SNED1: variants seen among roughly 807,000 people sequenced by gnomAD.
The protein encoded by SNED1 is sushi, nidogen and EGF-like domain-containing protein 1.
Under a neutral mutation model 166.7 loss-of-function variants are expected in SNED1, and 81 were observed. The observed-to-expected ratio is 0.49, with a 90% CI of 0.41 to 0.58. The LOEUF is 0.58. Among genes scored for constraint, SNED1 ranks in the 20% least tolerant of loss-of-function variants. SNED1 has a pLI of 0.00. For synonymous variants in SNED1, 762 were observed against 822.0 expected, an observed-to-expected ratio of 0.93 and a Z score of 1.25; for missense variants, 1,604 against 2,000.2, an observed-to-expected ratio of 0.80 and a Z score of 3.78.
chr2:241,008,059 C>T (rs2060275185), intron 1 of SNED1, among the ~76,000 whole-genome samples: 1 of 152,266 alleles, frequency 6.6e-6, no homozygotes, highest in Non-Finnish European at 1.5e-5. Flanking sequence ...GGCGGCCGTA[C>T]CACCTGACTC....
At position 241,018,239 on chromosome 2, in the gene SNED1, C is replaced by G. The variant is rs1559225158; in HGVS notation, c.214-12045C>G. Among the ~76,000 whole-genome samples, 1 of 152,236 alleles carries G rather than the reference C, an allele frequency of 6.6e-6. No individual in the cohort carries two copies. The highest frequency in any genetic ancestry group is 1.5e-5 in the Non-Finnish European group (1 of 68,054). On this transcript the variant is annotated intron_variant, in intron 1 of 31. Transcript: ENST00000310397. This position sits in a 1 kb window ranked among gnomAD's most constrained non-coding sequence, Gnocchi z 5.4. ...ATACACGACGTAACCCACAGGCGCT[C>G]AGATGACGGGGAAGCTATGAATTCA...
chr2:241,085,014 G>GT (rs147390163), intron 29 of SNED1, among the ~76,000 whole-genome samples: 3,760 of 152,152 alleles, frequency 0.025, 151 homozygotes, highest in African/African-American at 0.084. Context: ...GTGTTACACT[G>GT]TATGGAATGT....
At chr2:241,058,963 T>C (rs1399022499) in intron 16 of SNED1, among the ~76,000 whole-genome samples, 3 of 150,020 alleles carry the variant, frequency 2.0e-5, no homozygotes, top group Admixed American at 6.6e-5. Flanking sequence ...AAAAAAAAAA[T>C]CATTAACATT....
Position 241,068,050 on chromosome 2 carries a change from AC to A in SNED1, c.3194+105del, listed in dbSNP as rs5839780. ...GGCACATTCTCCGTGTGTGGACTGT[AC>A]CACCTGCCGCTCCTCACCTGAGCGG... On this transcript the variant is annotated intron_variant, in intron 22 of 31. Transcript: ENST00000310397. This position sits in a 1 kb window ranked among gnomAD's most constrained non-coding sequence, Gnocchi z 5.3. The A allele has an allele frequency of 0.28, 296,857 of 1,074,420 alleles. 45,583 individuals are homozygous for A. Among genetic ancestry groups the A allele is most frequent in the African/African-American group, 0.55 (34,967 of 63,228 alleles). The allele number at this position is 1,074,420 out of a possible 1,614,324, so 66.6% of individuals were successfully genotyped here.
intron 1 of SNED1, among the ~76,000 whole-genome samples, chr2:241,023,964 C>T (rs1331837056): frequency 2.3e-5 from 3 of 131,970 alleles, no homozygotes. Flanking sequence ...ATCTCTGCTG[C>T]AGCCTCCACC....
chr2:241,048,384 A>G lies in SNED1; in HGVS notation c.1343A>G (p.Asp448Gly). ...CHNGGTCVDA[D>G]QGYVCECPEG... ...AATGGGGGCACCTGTGTGGATGCGG[A>G]CCAGGGCTACGTGTGCGAGTGCCCC... The change falls in exon 9 of 32, where the codon GAC (aspartate) becomes GGC (glycine). Residue 448 changes from aspartate (D) to glycine (G), a missense_variant. Coordinates refer to ENST00000310397, the MANE Select transcript of SNED1 (RefSeq NM_001080437.3). 1 of 1,611,984 alleles carries G rather than the reference A, an allele frequency of 6.2e-7. No homozygotes were observed. The highest frequency in any genetic ancestry group is 1.1e-5 in the South Asian group (1 of 90,460).
intron 27 of SNED1, among the ~76,000 whole-genome samples, chr2:241,076,846 C>A (rs1465577946): frequency 1.3e-5 from 2 of 152,216 alleles, no homozygotes; most frequent in East Asian, 1.9e-4. Context: ...AATCCCAGCA[C>A]TTTGGGAGGC....
chr2:241,019,614 C>T (rs1318617897), intron 1 of SNED1, among the ~76,000 whole-genome samples: 1 of 152,192 alleles, frequency 6.6e-6, no homozygotes, highest in Non-Finnish European at 1.5e-5. Flanking sequence ...GGCACAGGGT[C>T]CCTGTCATCG....
intron 1 of SNED1, among the ~76,000 whole-genome samples, chr2:241,027,622 A>G (rs1163504770): frequency 6.6e-6 from 1 of 152,142 alleles, no homozygotes; most frequent in African/African-American, 2.4e-5. Context: ...TTTAATTTTG[A>G]GGAACCACCA....
chr2:241,009,912 C>T (rs2060337311), intron 1 of SNED1: 1 of 152,200 alleles, frequency 6.6e-6, no homozygotes, highest in Non-Finnish European at 1.5e-5. Context: ...TGGCGTGAGG[C>T]CGCTCAGCAG....
chr2:241,019,382 A>G (rs2060700661), intron 1 of SNED1, among the ~76,000 whole-genome samples: 1 of 152,182 alleles, frequency 6.6e-6, no homozygotes, highest in Non-Finnish European at 1.5e-5. Context: ...TCAGATGCAA[A>G]TCGTCCAGAA....
intron 15 of SNED1, 33 bp downstream of exon 15, chr2:241,052,501 T>C (rs2061878458): frequency 6.9e-7 from 1 of 1,456,068 alleles, no homozygotes. Context: ...GCAGGGTACA[T>C]GGGATACCAG....
At chr2:241,066,751 C>T (rs2062467925) in intron 21 of SNED1, among the ~76,000 whole-genome samples, 1 of 152,148 alleles carries the variant, frequency 6.6e-6, no homozygotes, top group Admixed American at 6.5e-5. Context: ...TGGGGAGGAG[C>T]TCGGCGGTTC....
chr2:241,073,186 A>C lies in SNED1; in HGVS notation c.3818-80A>C. ...GACATCCGTGCTCCCTGAGATATAG[A>C]AGCACTCAAAAGGGTGGCCCCAGGA... On this transcript the variant is annotated intron_variant, in intron 26 of 31. Coordinates refer to ENST00000310397, the MANE Select transcript of SNED1 (RefSeq NM_001080437.3). The surrounding 1 kb of genome is among the most constrained non-coding windows in gnomAD (Gnocchi z 6.6). 1.0e-6 allele frequency: 1 copy of C among 995,686 alleles called. No individual in the cohort carries two copies. The highest frequency in any genetic ancestry group is 1.5e-5 in the South Asian group (1 of 68,670). The allele number at this position is 995,686 out of a possible 1,614,324, so 61.7% of individuals were successfully genotyped here.
In SNED1 at chr2:241,063,884, C is replaced by CCTGCCCA. The variant is rs1278007878; in HGVS notation, c.2486-121_2486-115dup. 19 of 789,578 alleles carry CCTGCCCA rather than the reference C, an allele frequency of 2.4e-5. No homozygotes were observed. The East Asian group carries it at 4.0e-4, about 17-fold the overall frequency. 48.9% of individuals were successfully genotyped at this position (789,578 alleles called of 1,614,324 possible). A position where few individuals can be genotyped will look rare whatever the true frequency, so the allele number is the denominator to read the frequency against. ...TGCTGGGGAGGGCTGAGGGGCGGGA[C>CCTGCCCA]CTGCCCACTGCCCCTCTCTCCTGGC... is the stretch of plus-strand genomic sequence containing the variant. On this transcript the variant is annotated intron_variant, in intron 18 of 31. Transcript: ENST00000310397.
At chr2:241,038,407 C>A (rs1471835842) in intron 6 of SNED1, among the ~76,000 whole-genome samples, 3 of 152,126 alleles carry the variant, frequency 2.0e-5, no homozygotes, top group Non-Finnish European at 2.9e-5. Context: ...ACTTTTGCAC[C>A]TGAAAGTACA....
rs1382283436 is a variant in SNED1 at position 241,073,375 on chromosome 2, A to T, written c.3916+11A>T. On this transcript the variant is annotated intron_variant, in intron 27 of 31. Coordinates refer to ENST00000310397, the MANE Select transcript of SNED1 (RefSeq NM_001080437.3). This position sits in a 1 kb window ranked among gnomAD's most constrained non-coding sequence, Gnocchi z 6.6. ...GCAAGGACATCGGAAGTGAGTCAGCAGCGCTGGTGGGGACTTTGGGACTGA... is the reference window on the plus strand; with the variant it reads ...GCAAGGACATCGGAAGTGAGTCAGCTGCGCTGGTGGGGACTTTGGGACTGA... 1.9e-6 allele frequency: 3 copies of T among 1,557,156 alleles called. No homozygotes were observed. The South Asian group carries it at 3.6e-5, about 18-fold the overall frequency.
At chr2:241,001,573 G>C (rs74001781) in intron 1 of SNED1, among the ~76,000 whole-genome samples, 1,890 of 152,348 alleles carry the variant, frequency 0.012, 41 homozygotes, top group African/African-American at 0.043. Context: ...AGTGTGGCGT[G>C]CTGAGGAGTG....
In SNED1 at chr2:241,067,939, C is replaced by T; in HGVS notation, c.3186C>T (p.Phe1062=). 6.2e-7 allele frequency: 1 copy of T among 1,609,176 alleles called. No individual in the cohort carries two copies. The highest frequency in any genetic ancestry group is 8.5e-7 in the Non-Finnish European group (1 of 1,176,660). ...ATGTGGACAGGAGTGTGGACAGGTT[C>T]ACCTTTAGGTAAGAAGGGACACCCA... ...ATDVDRSVDR[F]TFRALLPGKR... Residue 1062 remains phenylalanine, a synonymous_variant, in exon 22 of 32, where the codon TTC becomes TTT. Transcript: ENST00000310397.
Sources: gnomAD v4.1 joint callset for allele counts (sites outside exome capture counted in the v4.1 genomes callset) on GRCh38, gnomAD v4.1.1 for gene constraint, Gnocchi (gnomAD v3.1) non-coding constraint, MANE v1.5 for transcripts, NCBI Gene and HGNC (gene_info 2026-07-23, HGNC 2026-07-21) for gene names.